The following CAP2 variants were observed in gnomAD, a reference collection of about 807,000 sequenced individuals.
The protein encoded by CAP2 is cyclase associated actin cytoskeleton regulatory protein 2, also known as adenylyl cyclase-associated protein 2.
A neutral mutation model predicts 57.7 loss-of-function variants in CAP2; 24 were observed. The ratio of observed to expected loss-of-function variants is 0.42; its 90% CI spans 0.30 to 0.58. The LOEUF is 0.58. CAP2 is among the 20% of genes least tolerant of loss of function. The pLI is 0.22. For synonymous variants in CAP2, 194 were observed against 207.2 expected (o/e 0.94, Z 0.55); for missense variants, 501 against 590.3 (o/e 0.85, Z 1.57).
intron 12 of CAP2, among the ~76,000 whole-genome samples, chr6:17,553,703 G>A (rs1175805488): frequency 2.0e-5 from 3 of 151,966 alleles, no homozygotes; most frequent in African/African-American, 4.8e-5. Flanking sequence ...ACATGTTCTC[G>A]GTTGGAGCTG....
chr6:17,509,333 T>C (rs1439538231), intron 6 of CAP2, among the ~76,000 whole-genome samples: 3 of 151,964 alleles, frequency 2.0e-5, no homozygotes, highest in African/African-American at 4.8e-5. Flanking sequence ...TATAAAAAAA[T>C]ACCTATACAT....
intron 1 of CAP2, among the ~76,000 whole-genome samples, chr6:17,416,718 A>C (rs573164219): frequency 6.6e-6 from 1 of 152,300 alleles, no homozygotes; most frequent in East Asian, 1.9e-4. Context: ...AATTATTGAA[A>C]ATGGTTAGCA....
chr6:17,456,932 C>T (rs984603093), intron 3 of CAP2, among the ~76,000 whole-genome samples: 8 of 152,084 alleles, frequency 5.3e-5, no homozygotes, highest in African/African-American at 1.7e-4. Context: ...ACTGGGCTTC[C>T]CTAGGGAGCC....
At position 17,463,857 on chromosome 6, in the gene CAP2, G is replaced by A. The variant is rs1760792278; in HGVS notation, c.300+784G>A. The stretch of plus-strand genomic sequence containing the variant: ...TTAAAGATATTTAGAGGTGTTAGAG[G>A]ATCTGATGCTAACTGCAACAATATT... On this transcript the variant is annotated intron_variant, in intron 4 of 12. Coordinates refer to ENST00000229922, the MANE Select transcript of CAP2 (RefSeq NM_006366.3). Among the ~76,000 whole-genome samples the A allele has an allele frequency of 2.0e-5, 3 of 152,180 alleles. No individual in the cohort carries two copies. The South Asian group carries it at 6.2e-4, about 31-fold the overall frequency.
chr6:17,512,684 A>G (rs527673754), intron 6 of CAP2, among the ~76,000 whole-genome samples: 1 of 152,340 alleles, frequency 6.6e-6, no homozygotes, highest in South Asian at 2.1e-4. Context: ...AGGTGAGGTA[A>G]AGCGACAATG....
chr6:17,507,064 A>G, intron 4 of CAP2, 105 bp from the exon 5 acceptor site: 1 of 1,100,788 alleles, frequency 9.1e-7, no homozygotes, highest in Non-Finnish European at 1.4e-6. Context: ...TAGACCCCTT[A>G]ACAGACGGCA....
At chr6:17,412,640 G>A (rs768204981) in intron 1 of CAP2, among the ~76,000 whole-genome samples, 4 of 152,168 alleles carry the variant, frequency 2.6e-5, no homozygotes, top group Non-Finnish European at 5.9e-5. Context: ...TCTGAGGGGT[G>A]ATACCTCCAG....
At chr6:17,547,703 T>C (rs747936091) in intron 11 of CAP2, among the ~76,000 whole-genome samples, 3 of 151,614 alleles carry the variant, frequency 2.0e-5, no homozygotes, top group Non-Finnish European at 2.9e-5. Context: ...AAACCAGGCG[T>C]GGTGGCGGGT....
At chr6:17,430,129 C>T (rs190415743) in intron 3 of CAP2, among the ~76,000 whole-genome samples, 3 of 152,260 alleles carry the variant, frequency 2.0e-5, no homozygotes, top group East Asian at 1.9e-4. Context: ...ACGTCTGTCT[C>T]GATGTGTTGG....
At chr6:17,443,200 C>T (rs923227988) in intron 3 of CAP2, among the ~76,000 whole-genome samples, 5 of 152,064 alleles carry the variant, frequency 3.3e-5, no homozygotes, top group Non-Finnish European at 5.9e-5. Flanking sequence ...TGCAGTGGGC[C>T]ACTATCACGG....
chr6:17,447,232 C>T (rs1363283287), intron 3 of CAP2, among the ~76,000 whole-genome samples: 1 of 151,220 alleles, frequency 6.6e-6, no homozygotes, highest in Middle Eastern at 3.2e-3. Context: ...GTTTCCCATA[C>T]TGGTATTGAA....
intron 4 of CAP2, among the ~76,000 whole-genome samples, chr6:17,472,658 T>C (rs1395486517): frequency 6.6e-6 from 1 of 152,190 alleles, no homozygotes; most frequent in East Asian, 1.9e-4. Flanking sequence ...GGCTAGCATG[T>C]GACGGCTACT....
At chr6:17,537,788 G>A (rs1041775773) in intron 7 of CAP2, among the ~76,000 whole-genome samples, 6 of 152,084 alleles carry the variant, frequency 3.9e-5, no homozygotes, top group South Asian at 4.1e-4. Flanking sequence ...AAACAGGGCC[G>A]GGCACAGTGG....
At chr6:17,422,490 C>A (rs1316120532) in intron 2 of CAP2, among the ~76,000 whole-genome samples, 2 of 151,832 alleles carry the variant, frequency 1.3e-5, no homozygotes, top group South Asian at 4.2e-4. Context: ...GCTGGGACTA[C>A]AGGCGCCCGC....
At chr6:17,534,837 A>G (rs1275969260) in intron 7 of CAP2, among the ~76,000 whole-genome samples, 1 of 152,146 alleles carries the variant, frequency 6.6e-6, no homozygotes, top group Non-Finnish European at 1.5e-5. Flanking sequence ...GTGTTTTTCA[A>G]TCTCTAGTCT....
intron 7 of CAP2, among the ~76,000 whole-genome samples, chr6:17,520,872 A>T (rs1762374521): frequency 6.6e-6 from 1 of 152,158 alleles, no homozygotes. Context: ...CTTGTACCAA[A>T]CCCACACCTT....
intron 4 of CAP2, among the ~76,000 whole-genome samples, chr6:17,478,260 G>A (rs1462829521): frequency 6.8e-6 from 1 of 147,972 alleles, no homozygotes. Context: ...TCAGCCTCTC[G>A]AGTAGCTGGG....
chr6:17,483,979 T>C (rs1761359787), intron 4 of CAP2, among the ~76,000 whole-genome samples: 1 of 151,858 alleles, frequency 6.6e-6, no homozygotes, highest in Non-Finnish European at 1.5e-5. Context: ...TGGAGTTGTG[T>C]GAGTCCAGTG....
chr6:17,537,279 C>G (rs1334007110), intron 7 of CAP2, among the ~76,000 whole-genome samples: 1 of 152,070 alleles, frequency 6.6e-6, no homozygotes, highest in South Asian at 2.1e-4. Flanking sequence ...CTCTGCCTCC[C>G]AGGCTTAGGT....
Sources: gnomAD v4.1 joint callset for allele counts (sites outside exome capture counted in the v4.1 genomes callset) on GRCh38, gnomAD v4.1.1 for gene constraint, MANE v1.5 for transcripts, NCBI Gene and HGNC (gene_info 2026-07-23, HGNC 2026-07-21) for gene names.